The following PCDHA4 variants were observed in gnomAD, a reference collection of about 807,000 sequenced individuals.
PCDHA4 encodes protocadherin alpha-4.
PCDHA4 carries 49 observed loss-of-function variants against 61.4 expected under a neutral mutation model. That is an observed-to-expected ratio of 0.80 (90% confidence interval 0.63 to 1.01). PCDHA4 has a LOEUF of 1.01. Among genes scored for constraint, PCDHA4 ranks in the 50% least tolerant of loss-of-function variants. The pLI is 0.00. For synonymous variants in PCDHA4, 590 were observed against 550.3 expected, an observed-to-expected ratio of 1.07 and a Z score of -1.01; for missense variants, 1,254 against 1,235.8, an observed-to-expected ratio of 1.01 and a Z score of -0.22.
intron 1 of PCDHA4, chr5:140,828,909 C>G (rs1213488123): frequency 1.2e-6 from 2 of 1,614,072 alleles, no homozygotes; most frequent in South Asian, 1.1e-5. Context: ...GATGAAGGAG[C>G]GAATGGGGCA....
chr5:140,835,454 C>T (rs782148594), intron 1 of PCDHA4: 4 of 1,613,928 alleles, frequency 2.5e-6, no homozygotes, highest in Non-Finnish European at 3.4e-6. Flanking sequence ...CCCTGTCTCT[C>T]CCTATTCCAG....
chr5:140,886,828 A>G (rs74967108), intron 1 of PCDHA4, among the ~76,000 whole-genome samples: 4 of 133,052 alleles, frequency 3.0e-5, no homozygotes, highest in Non-Finnish European at 6.5e-5. Flanking sequence ...CTTCGTCTTG[A>G]AAAAAAAAAA....
At chr5:140,823,384 C>T (rs2150125335) in intron 1 of PCDHA4, 3 of 1,612,824 alleles carry the variant, frequency 1.9e-6, no homozygotes, top group Non-Finnish European at 2.5e-6. Context: ...GGTGAGCGCG[C>T]GCGACGCGGG....
chr5:140,861,571 A>C, intron 1 of PCDHA4: 1 of 372,012 alleles, frequency 2.7e-6, no homozygotes, highest in Non-Finnish European at 5.6e-6. Context: ...AAGCTGCTAC[A>C]GGTTTTCCAT....
intron 1 of PCDHA4, chr5:140,875,748 C>T (rs2055764549): frequency 6.2e-7 from 1 of 1,614,078 alleles, no homozygotes; most frequent in South Asian, 1.1e-5. Flanking sequence ...GGATCGACCG[C>T]GAGAAGCTGT....
At chr5:140,850,765 G>A (rs2150497510) in intron 1 of PCDHA4, 1 of 1,598,120 alleles carries the variant, frequency 6.3e-7, no homozygotes, top group Admixed American at 1.7e-5. Flanking sequence ...AGGAGGCAGA[G>A]GGTGTGCTCT....
Position 140,848,739 on chromosome 5 carries a change from G to A in PCDHA4, c.2385+39167G>A. On this transcript the variant is annotated intron_variant, in intron 1 of 3. Coordinates refer to ENST00000530339, the MANE Select transcript of PCDHA4 (RefSeq NM_018907.4). The stretch of plus-strand genomic sequence containing the variant: ...CCTTCTGGAGGTAAATCTGCAGAAT[G>A]GCATTTTGTTTGTGAATTCTCGGAT... The A allele has an allele frequency of 6.9e-6, 11 of 1,593,092 alleles. 1 individual carries two copies. The highest frequency in any genetic ancestry group is 9.5e-6 in the Non-Finnish European group (11 of 1,163,752).
chr5:140,883,731 C>A, intron 1 of PCDHA4: 1 of 1,613,446 alleles, frequency 6.2e-7, no homozygotes, highest in Non-Finnish European at 8.5e-7. Flanking sequence ...CAGGAGAACG[C>A]GCTGGTCTCC....
chr5:140,813,485 AC>A (rs1554126209), intron 1 of PCDHA4: 1 of 152,206 alleles, frequency 6.6e-6, no homozygotes, highest in Non-Finnish European at 1.5e-5. Context: ...ATATATCTAA[AC>A]ATCTAAAAGG....
chr5:140,927,748 G>A lies in PCDHA4; in HGVS notation c.2386-51201G>A, dbSNP rs782605586. Reference sequence around the variant, plus strand: ...AGCAGAGCTGCGACACCGCTTTCACGTGCACCCTAAAAGTGGGGAGGTGCA... The same window carrying A: ...AGCAGAGCTGCGACACCGCTTTCACATGCACCCTAAAAGTGGGGAGGTGCA... On this transcript the variant is annotated intron_variant, in intron 1 of 3. Transcript: ENST00000530339. 53 of 1,614,088 alleles carry A rather than the reference G, an allele frequency of 3.3e-5. No homozygotes were observed. The South Asian group carries it at 5.7e-4, about 17-fold the overall frequency.
chr5:140,851,304 C>T (rs2042021311), intron 1 of PCDHA4: 1 of 1,006,386 alleles, frequency 9.9e-7, no homozygotes, highest in East Asian at 6.6e-5. Context: ...AAATATATAG[C>T]AATTGTTACC....
At position 140,973,488 on chromosome 5, in the gene PCDHA4, G is replaced by A. The variant is rs186493160; in HGVS notation, c.2386-5461G>A. Reference sequence around the variant, plus strand: ...GTTTGCAAATTTCATATTGGTCACAGGACTCTTCTTCTGAGAAAAAGTTTA... The same window carrying A: ...GTTTGCAAATTTCATATTGGTCACAAGACTCTTCTTCTGAGAAAAAGTTTA... On this transcript the variant is annotated intron_variant, in intron 1 of 3. Coordinates refer to ENST00000530339, the MANE Select transcript of PCDHA4 (RefSeq NM_018907.4). Among the ~76,000 whole-genome samples, 7 of 152,228 alleles carry A rather than the reference G, an allele frequency of 4.6e-5. No homozygotes were observed. The East Asian group carries it at 1.3e-3, about 29-fold the overall frequency.
intron 1 of PCDHA4, among the ~76,000 whole-genome samples, chr5:140,953,733 TG>T (rs1449457533): frequency 2.6e-5 from 4 of 152,200 alleles, no homozygotes; most frequent in Admixed American, 6.5e-5. Context: ...TTGAAATTTT[TG>T]CTTAACATTA....
intron 1 of PCDHA4, among the ~76,000 whole-genome samples, chr5:140,978,584 C>G (rs2096810786): frequency 6.6e-6 from 1 of 152,186 alleles, no homozygotes; most frequent in African/African-American, 2.4e-5. Flanking sequence ...TGGGAATGTT[C>G]CCTTAATGGG....
intron 1 of PCDHA4, among the ~76,000 whole-genome samples, chr5:140,908,560 C>T (rs1562965261): frequency 6.6e-6 from 1 of 152,198 alleles, no homozygotes; most frequent in Non-Finnish European, 1.5e-5. Context: ...AGGCCAAGAG[C>T]TGTCTCTCAA....
intron 1 of PCDHA4, chr5:140,876,545 C>T (rs1281346113): frequency 6.2e-7 from 1 of 1,614,082 alleles, no homozygotes; most frequent in Non-Finnish European, 8.5e-7. Flanking sequence ...CTGTCGCTCC[C>T]TGTGCAAGAG....
Position 140,808,924 on chromosome 5 carries a change from G to C in PCDHA4, c.1737G>C (p.Glu579Asp). Reference protein sequence around the residue: ...RAGGTGGAVSELVPWSVGVGH... With the variant: ...RAGGTGGAVSDLVPWSVGVGH... Reference sequence around the variant, plus strand: ...GTGGCACTGGTGGCGCAGTGAGCGAGCTGGTGCCATGGTCGGTGGGTGTGG... The same window carrying C: ...GTGGCACTGGTGGCGCAGTGAGCGACCTGGTGCCATGGTCGGTGGGTGTGG... Residue 579 changes from glutamate (E) to aspartate (D), a missense_variant, in exon 1 of 4, where the codon GAG becomes GAC. Transcript: ENST00000530339. 6.2e-7 allele frequency: 1 copy of C among 1,613,692 alleles called. No individual in the cohort carries two copies. Among genetic ancestry groups the C allele is most frequent in the Non-Finnish European group, 8.5e-7 (1 of 1,179,844 alleles).
At chr5:140,814,067 AT>A (rs1428108112) in intron 1 of PCDHA4, 2 of 153,412 alleles carry the variant, frequency 1.3e-5, no homozygotes, top group African/African-American at 4.8e-5. Flanking sequence ...GTAAACTTAA[AT>A]TTTTTAACCT....
At chr5:140,818,754 C>T (rs2150102291) in intron 1 of PCDHA4, among the ~76,000 whole-genome samples, 1 of 152,194 alleles carries the variant, frequency 6.6e-6, no homozygotes, top group Non-Finnish European at 1.5e-5. Context: ...TGGAGGATGG[C>T]TTGAGCCTGA....
Sources: allele counts gnomAD v4.1 joint callset (sites outside exome capture counted in the v4.1 genomes callset), GRCh38; gene constraint gnomAD v4.1.1; transcripts MANE v1.5; gene names NCBI Gene and HGNC (gene_info 2026-07-23, HGNC 2026-07-21).